Variants in ANTXR1 observed in about 807,000 individuals in gnomAD.
The protein encoded by ANTXR1 is anthrax toxin receptor 1.
A neutral mutation model predicts 78.1 loss-of-function variants in ANTXR1; 19 were observed. The ratio of observed to expected loss-of-function variants is 0.24; its 90% CI spans 0.17 to 0.36. The LOEUF (loss-of-function observed/expected upper bound fraction) is 0.36. Ranked by LOEUF, ANTXR1 falls within the 10% of genes least tolerant of loss-of-function variation. The pLI is 1.00. For missense variants in ANTXR1, 518 were observed against 718.6 expected, an observed-to-expected ratio of 0.72 and a Z score of 3.19; for synonymous variants, 273 against 260.5, an observed-to-expected ratio of 1.05 and a Z score of -0.46.
intron 12 of ANTXR1, among the ~76,000 whole-genome samples, chr2:69,125,302 G>A (rs949898606): frequency 2.0e-5 from 3 of 152,132 alleles, no homozygotes; most frequent in African/African-American, 7.2e-5. Flanking sequence ...TTTCATTCCT[G>A]GCTATATATA....
Position 69,079,345 on chromosome 2 carries a change from G to A in ANTXR1, c.642+1857G>A, listed in dbSNP as rs1367091670. Among the ~76,000 whole-genome samples the A allele has an allele frequency of 7.9e-5, 12 of 152,218 alleles. No homozygotes were observed. The East Asian group carries it at 9.6e-4, about 12-fold the overall frequency. ...AATAGCAGGACTGGGGGCCGATCAT[G>A]GATCCTTAAGAAGCTCAGAGGTGGA... On this transcript the variant is annotated intron_variant, in intron 8 of 17. Transcript: ENST00000303714.
At chr2:69,153,594 C>T (rs1268856796) in intron 13 of ANTXR1, among the ~76,000 whole-genome samples, 1 of 152,170 alleles carries the variant, frequency 6.6e-6, no homozygotes, top group Admixed American at 6.5e-5. Context: ...TTGTTTTAAA[C>T]ATTTAAGGCT....
chr2:69,155,180 C>T (rs1053210574), intron 13 of ANTXR1, among the ~76,000 whole-genome samples: 3 of 152,172 alleles, frequency 2.0e-5, no homozygotes, highest in African/African-American at 7.2e-5. Context: ...TTGTTGCCAG[C>T]CTGCCAGATG....
At chr2:69,207,026 C>G (rs955348846) in intron 17 of ANTXR1, among the ~76,000 whole-genome samples, 2 of 152,196 alleles carry the variant, frequency 1.3e-5, no homozygotes, top group African/African-American at 4.8e-5. Flanking sequence ...TATCCAGCAA[C>G]ATTGCTGTGT....
chr2:69,218,412 A>G (rs942920887), intron 17 of ANTXR1, among the ~76,000 whole-genome samples: 3 of 152,218 alleles, frequency 2.0e-5, no homozygotes, highest in Non-Finnish European at 2.9e-5. Context: ...ACAAGTCAGT[A>G]GGGAGATTTC....
intron 3 of ANTXR1, among the ~76,000 whole-genome samples, chr2:69,068,250 T>C (rs559593858): frequency 1.3e-5 from 2 of 152,340 alleles, no homozygotes; most frequent in Admixed American, 6.5e-5. Flanking sequence ...CCTCAAGGAA[T>C]TTAAAGTCTA....
intron 13 of ANTXR1, among the ~76,000 whole-genome samples, chr2:69,162,024 A>AGGG (rs1673695727): frequency 7.2e-6 from 1 of 138,316 alleles, no homozygotes; most frequent in African/African-American, 2.6e-5. Context: ...CATTTGTGGA[A>AGGG]AAAAAAAAAT....
intron 3 of ANTXR1, among the ~76,000 whole-genome samples, chr2:69,063,550 A>C (rs541071871): frequency 6.6e-6 from 1 of 151,996 alleles, no homozygotes; most frequent in Non-Finnish European, 1.5e-5. Context: ...GGAAAATGAT[A>C]CCAGGTATAA....
At chr2:69,139,804 A>G (rs1673021874) in intron 12 of ANTXR1, among the ~76,000 whole-genome samples, 1 of 152,254 alleles carries the variant, frequency 6.6e-6, no homozygotes, top group South Asian at 2.1e-4. Context: ...GAGCATATAC[A>G]TTAAATAAAT....
chr2:69,069,113 T>C (rs539152379), intron 3 of ANTXR1, among the ~76,000 whole-genome samples: 65 of 152,258 alleles, frequency 4.3e-4, no homozygotes, highest in Non-Finnish European at 3.8e-4. Flanking sequence ...CCTTTTCAGT[T>C]TGTCTTTTAA....
At chr2:69,085,170 G>A (rs1671012915) in intron 8 of ANTXR1, among the ~76,000 whole-genome samples, 1 of 152,120 alleles carries the variant, frequency 6.6e-6, no homozygotes, top group Admixed American at 6.5e-5. Flanking sequence ...CTATCCCCAG[G>A]CTTATCCAAT....
At chr2:69,156,257 C>T (rs529715696) in intron 13 of ANTXR1, among the ~76,000 whole-genome samples, 1 of 152,314 alleles carries the variant, frequency 6.6e-6, no homozygotes, top group Non-Finnish European at 1.5e-5. Flanking sequence ...GTTCTATCTC[C>T]GTGAGAAAAC....
chr2:69,013,289 T>G lies in ANTXR1; in HGVS notation c.-211T>G, dbSNP rs1670918524. 1 of 704,802 alleles carries G rather than the reference T, an allele frequency of 1.4e-6. No homozygotes were observed. The highest frequency in any genetic ancestry group is 2.5e-5 in the Admixed American group (1 of 39,368). 43.7% of individuals were successfully genotyped at this position (704,802 alleles called of 1,614,324 possible). A position where few individuals can be genotyped will look rare whatever the true frequency, so the allele number is the denominator to read the frequency against. The stretch of plus-strand genomic sequence containing the variant: ...GAAGCGGAGGACAGGATTGGGATCC[T>G]TGAAACCCGAAACCCAGAAACAGCA... On this transcript the variant is annotated 5_prime_UTR_variant, in exon 1 of 18. Coordinates refer to ENST00000303714, the MANE Select transcript of ANTXR1 (RefSeq NM_032208.3). This position sits in a 1 kb window ranked among gnomAD's most constrained non-coding sequence, Gnocchi z 5.0.
At chr2:69,020,666 A>ATGTTTG (rs973744880) in intron 1 of ANTXR1, among the ~76,000 whole-genome samples, 4 of 152,218 alleles carry the variant, frequency 2.6e-5, no homozygotes, top group Non-Finnish European at 5.9e-5. Flanking sequence ...ATGTGTGTCT[A>ATGTTTG]TGTTTGGTAT....
chr2:69,129,864 G>A (rs992974232), intron 12 of ANTXR1, among the ~76,000 whole-genome samples: 5 of 152,148 alleles, frequency 3.3e-5, no homozygotes, highest in Non-Finnish European at 7.3e-5. Context: ...GAAGAGTCAG[G>A]AGAGCTTCAT....
chr2:69,024,989 C>G (rs1671299939), intron 1 of ANTXR1, among the ~76,000 whole-genome samples: 1 of 152,106 alleles, frequency 6.6e-6, no homozygotes, highest in African/African-American at 2.4e-5. Flanking sequence ...TATGCAAGAC[C>G]CTTATTGCTC....
chr2:69,129,989 T>C (rs901000838), intron 12 of ANTXR1, among the ~76,000 whole-genome samples: 2 of 152,196 alleles, frequency 1.3e-5, no homozygotes, highest in Non-Finnish European at 2.9e-5. Context: ...TCTCTGAGCA[T>C]AGTTTGTTCA....
intron 16 of ANTXR1, among the ~76,000 whole-genome samples, chr2:69,189,451 G>A (rs574299546): frequency 4.3e-4 from 65 of 152,296 alleles, no homozygotes; most frequent in African/African-American, 1.3e-3. Flanking sequence ...ATTCACACTG[G>A]CCAGTAAGAT....
intron 10 of ANTXR1, among the ~76,000 whole-genome samples, chr2:69,119,376 C>T (rs1672268628): frequency 6.6e-6 from 1 of 152,196 alleles, no homozygotes; most frequent in South Asian, 2.1e-4. Context: ...GCTCTGTGGG[C>T]TGGCTATGTG....
Sources: allele counts gnomAD v4.1 joint callset (sites outside exome capture counted in the v4.1 genomes callset), GRCh38; gene constraint gnomAD v4.1.1; non-coding constraint Gnocchi (gnomAD v3.1); transcripts MANE v1.5; gene names NCBI Gene and HGNC (gene_info 2026-07-23, HGNC 2026-07-21).